Variants in CDH13 observed in about 807,000 individuals in gnomAD.
The protein encoded by CDH13 is cadherin 13.
In CDH13, 24 loss-of-function variants were observed where a neutral mutation model predicts 63.8. The observed-to-expected ratio is 0.38, with a 90% confidence interval of 0.27 to 0.53. The LOEUF (loss-of-function observed/expected upper bound fraction) is 0.53, where lower values mean the gene tolerates loss of function less well. CDH13 is among the 20% of genes least tolerant of loss of function. CDH13 has a pLI of 0.85. For synonymous variants in CDH13, 503 were observed against 355.3 expected (o/e 1.42, Z -4.67); for missense variants, 1,049 against 903.1 (o/e 1.16, Z -2.07).
chr16:83,149,970 T>C (rs1011359156), intron 4 of CDH13, among the ~76,000 whole-genome samples: 1 of 152,204 alleles, frequency 6.6e-6, no homozygotes, highest in African/African-American at 2.4e-5. Flanking sequence ...TGAGATTGTA[T>C]CTTCTTATTT....
At chr16:83,028,737 G>C (rs56215935) in intron 2 of CDH13, among the ~76,000 whole-genome samples, 46,384 of 152,056 alleles carry the variant, frequency 0.31, 7,469 homozygotes, top group African/African-American at 0.41. Context: ...CACACAATTT[G>C]AAACTTATGA....
chr16:83,270,323 G>A (rs921259269), intron 5 of CDH13, among the ~76,000 whole-genome samples: 1 of 152,116 alleles, frequency 6.6e-6, no homozygotes, highest in Non-Finnish European at 1.5e-5. Context: ...TGGAGAAGTC[G>A]ACAGACTCAG....
chr16:83,749,401 G>C (rs1334461816), intron 11 of CDH13, among the ~76,000 whole-genome samples: 1 of 152,168 alleles, frequency 6.6e-6, no homozygotes, highest in Non-Finnish European at 1.5e-5. Flanking sequence ...GTAGGATTCG[G>C]ATGAGTGGCA....
chr16:82,900,564 G>T (rs535724873), intron 2 of CDH13, among the ~76,000 whole-genome samples: 4 of 152,288 alleles, frequency 2.6e-5, no homozygotes, highest in African/African-American at 4.8e-5. Flanking sequence ...TATTTTCCCC[G>T]AATAAATAAG....
chr16:82,716,793 A>G (rs906339135), intron 1 of CDH13, among the ~76,000 whole-genome samples: 2 of 151,704 alleles, frequency 1.3e-5, no homozygotes, highest in African/African-American at 4.8e-5. Context: ...CCCAGACTTC[A>G]CCCACCAAAA....
At chr16:83,764,076 C>T (rs1046678413) in intron 11 of CDH13, among the ~76,000 whole-genome samples, 1 of 152,152 alleles carries the variant, frequency 6.6e-6, no homozygotes, top group East Asian at 1.9e-4. Context: ...TGCACAATTC[C>T]CAGTACTCCT....
intron 6 of CDH13, among the ~76,000 whole-genome samples, chr16:83,361,164 A>G (rs919346791): frequency 1.3e-5 from 2 of 152,186 alleles, no homozygotes; most frequent in African/African-American, 2.4e-5. Context: ...TTGTGGTTTC[A>G]GTTTGCGTTT....
chr16:82,985,725 A>T (rs547600975), intron 2 of CDH13, among the ~76,000 whole-genome samples: 53 of 152,142 alleles, frequency 3.5e-4, no homozygotes, highest in African/African-American at 1.2e-3. Flanking sequence ...TTGAATTGCA[A>T]TCCCCAGCAT....
At chr16:83,152,869 C>T (rs1171183669) in intron 4 of CDH13, among the ~76,000 whole-genome samples, 2 of 151,974 alleles carry the variant, frequency 1.3e-5, no homozygotes, top group African/African-American at 2.4e-5. Context: ...GACTGGTGTC[C>T]TTAGAAAAAG....
intron 11 of CDH13, among the ~76,000 whole-genome samples, chr16:83,771,505 G>A (rs563331504): frequency 9.9e-5 from 15 of 152,238 alleles, no homozygotes; most frequent in Non-Finnish European, 2.1e-4. Context: ...ATGCCAGGAA[G>A]ACCGTGGCAG....
In CDH13 at chr16:82,670,653, C is replaced by T. The variant is rs549007200; in HGVS notation, c.45+43516C>T. On this transcript the variant is annotated intron_variant, in intron 1 of 13. Transcript: ENST00000567109. ...GAATGAGCTAGGCATTTGCAATGTT[C>T]AGAGTATATAGACTGGCACGTAATT... Among the ~76,000 whole-genome samples the T allele has an allele frequency of 3.9e-4, 60 of 152,294 alleles. No individual in the cohort carries two copies. In the South Asian group the frequency reaches 0.012, roughly 31 times the overall value.
intron 13 of CDH13, among the ~76,000 whole-genome samples, chr16:83,789,587 G>C (rs150320951): frequency 0.039 from 5,967 of 152,126 alleles, 165 homozygotes; most frequent in Middle Eastern, 0.078. Flanking sequence ...GACCTCAAGT[G>C]ATCCACCCAC....
intron 6 of CDH13, among the ~76,000 whole-genome samples, chr16:83,481,675 G>T (rs2073768516): frequency 6.6e-6 from 1 of 152,170 alleles, no homozygotes; most frequent in African/African-American, 2.4e-5. Flanking sequence ...CCAGGAACCT[G>T]GGATGTTTTC....
chr16:83,025,191 G>C (rs1915685468), intron 2 of CDH13, among the ~76,000 whole-genome samples: 2 of 152,182 alleles, frequency 1.3e-5, no homozygotes, highest in African/African-American at 4.8e-5. Context: ...GCATTATCTT[G>C]TTTACACATG....
chr16:83,012,394 TCCA>T (rs1276383966), intron 2 of CDH13, among the ~76,000 whole-genome samples: 2 of 150,074 alleles, frequency 1.3e-5, no homozygotes, highest in Non-Finnish European at 3.0e-5. Flanking sequence ...TAAGCCCTGG[TCCA>T]AGGAAAATAT....
At chr16:83,487,782 C>A (rs756297041) in intron 7 of CDH13, among the ~76,000 whole-genome samples, 15 of 152,174 alleles carry the variant, frequency 9.9e-5, no homozygotes, top group African/African-American at 3.4e-4. Context: ...CTGTGCATTT[C>A]CCCCTCAGTG....
At chr16:82,633,824 T>A (rs148249317) in intron 1 of CDH13, among the ~76,000 whole-genome samples, 1 of 152,308 alleles carries the variant, frequency 6.6e-6, no homozygotes, top group East Asian at 1.9e-4. Context: ...GCTCTGTAAA[T>A]ACTAGACTAA....
intron 1 of CDH13, among the ~76,000 whole-genome samples, chr16:82,628,557 G>A (rs568986930): frequency 1.3e-5 from 2 of 152,288 alleles, no homozygotes; most frequent in South Asian, 4.1e-4. Flanking sequence ...CCCGGCTGCT[G>A]AGCCCGCTCC....
chr16:83,392,475 G>C (rs2091807092), intron 6 of CDH13, among the ~76,000 whole-genome samples: 1 of 152,138 alleles, frequency 6.6e-6, no homozygotes, highest in African/African-American at 2.4e-5. Context: ...TTAGATTCTA[G>C]AACCTCAATT....
Sources: allele counts gnomAD v4.1 joint callset (sites outside exome capture counted in the v4.1 genomes callset), GRCh38; gene constraint gnomAD v4.1.1; transcripts MANE v1.5; gene names NCBI Gene and HGNC (gene_info 2026-07-23, HGNC 2026-07-21).